The following SMIM27 variants were observed in gnomAD, a reference collection of about 807,000 sequenced individuals.
The protein encoded by SMIM27 is transition zone microprotein 1.
Under a neutral mutation model 1.8 loss-of-function variants are expected in SMIM27, and 3 were observed. That is an observed-to-expected ratio of 1.65 (90% CI 0.75 to 4.28). The LOEUF (loss-of-function observed/expected upper bound fraction) is 4.28. Ranked by LOEUF, SMIM27 falls within the 30% of genes most tolerant of loss-of-function variation. The pLI, the probability that SMIM27 is intolerant of heterozygous loss-of-function variation, is 0.02. For missense variants in SMIM27, 63 were observed against 37.0 expected (o/e 1.70, Z -1.83); for synonymous variants, 19 against 13.9 (o/e 1.37, Z -0.82).
At chr9:32,563,759 C>T (rs1028574536) in intron 1 of SMIM27, among the ~76,000 whole-genome samples, 3 of 152,086 alleles carry the variant, frequency 2.0e-5, no homozygotes, top group African/African-American at 7.2e-5. Flanking sequence ...TTTATTAATT[C>T]ACTTATTTAT....
downstream of SMIM27, among the ~76,000 whole-genome samples, chr9:32,555,075 A>G (rs1821419473): frequency 6.6e-6 from 1 of 151,646 alleles, no homozygotes; most frequent in Non-Finnish European, 1.5e-5. Context: ...GGTGCACGCT[A>G]GAGACTTTCT....
chr9:32,563,961 T>C (rs1033367458), intron 1 of SMIM27, among the ~76,000 whole-genome samples: 13 of 152,226 alleles, frequency 8.5e-5, no homozygotes, highest in African/African-American at 3.1e-4. Context: ...AAGCTCATCT[T>C]ATACTTTCTC....
At chr9:32,553,159 T>C, downstream of SMIM27, 1 of 392,342 alleles carries the variant, frequency 2.5e-6, no homozygotes, top group Non-Finnish European at 4.5e-6. Flanking sequence ...AATAAGCTTT[T>C]CAATCAAGTT....
At chr9:32,551,180 C>T (rs1821247614), upstream of SMIM27, 2 of 632,946 alleles carry the variant, frequency 3.2e-6, no homozygotes, top group South Asian at 3.6e-5. Flanking sequence ...GCAGCGCGAC[C>T]CTCCCCATCT....
intron 1 of SMIM27, among the ~76,000 whole-genome samples, chr9:32,561,974 T>A (rs1821639251): frequency 6.6e-6 from 1 of 152,160 alleles, no homozygotes; most frequent in South Asian, 2.1e-4. Flanking sequence ...ATTCATCAAG[T>A]CACTCTCCCA....
Position 32,552,408 on chromosome 9 carries a change from C to T in SMIM27, c.-27C>T. On this transcript the variant is annotated 5_prime_UTR_variant, in exon 1 of 2. Coordinates refer to ENST00000692500, the MANE Select transcript of SMIM27 (RefSeq NM_001387564.1). ...GTAAGGCCCGCAGCTCCCGCCAGCT[C>T]CCGCGGACTGCTGCCGCCTCCTTAC... The T allele has an allele frequency of 1.2e-6, 2 of 1,608,734 alleles. No homozygotes were observed. The highest frequency in any genetic ancestry group is 1.7e-6 in the Non-Finnish European group (2 of 1,178,002).
chr9:32,553,729 C>G, downstream of SMIM27: 1 of 591,542 alleles, frequency 1.7e-6, no homozygotes. Context: ...TTAAATTACT[C>G]AGTCTCAAAT....
At chr9:32,553,302 C>T (rs1436572371), downstream of SMIM27, 1 of 174,804 alleles carries the variant, frequency 5.7e-6, no homozygotes, top group African/African-American at 2.4e-5. Context: ...CAATCTCGTG[C>T]CTCAGCCTCC....
At chr9:32,565,882 G>C (rs927775895) in intron 1 of SMIM27, among the ~76,000 whole-genome samples, 2 of 152,168 alleles carry the variant, frequency 1.3e-5, no homozygotes, top group Non-Finnish European at 2.9e-5. Context: ...TGAGGCAGGA[G>C]AATCACTTGA....
intron 1 of SMIM27, among the ~76,000 whole-genome samples, chr9:32,565,870 G>A (rs1821769959): frequency 6.6e-6 from 1 of 152,098 alleles, no homozygotes; most frequent in African/African-American, 2.4e-5. Context: ...TACTTGGGAG[G>A]TTGAGGCAGG....
At chr9:32,563,490 G>GTTTTTTTTTTTTTTTTTTTTTT (rs1239149080) in intron 1 of SMIM27, among the ~76,000 whole-genome samples, 1 of 47,560 alleles carries the variant, frequency 2.1e-5, no homozygotes, top group African/African-American at 9.0e-5. Flanking sequence ...GGACTATTGG[G>GTTTTTTTTTTTTTTTTTTTTTT]CTTTTTTTTT....
chr9:32,555,855 A>T (rs1381911380), downstream of SMIM27, among the ~76,000 whole-genome samples: 2 of 152,258 alleles, frequency 1.3e-5, no homozygotes, highest in African/African-American at 2.4e-5. Context: ...TCAAGAAAAC[A>T]AAATCAGTGC....
At chr9:32,562,152 T>G (rs1039387775) in intron 1 of SMIM27, among the ~76,000 whole-genome samples, 1 of 152,194 alleles carries the variant, frequency 6.6e-6, no homozygotes, top group Admixed American at 6.5e-5. Flanking sequence ...ACTGACTCCA[T>G]ATGTTTGCTT....
At chr9:32,558,752 TTTTG>T (rs1821544134) in intron 1 of SMIM27, among the ~76,000 whole-genome samples, 2 of 152,142 alleles carry the variant, frequency 1.3e-5, no homozygotes, top group African/African-American at 2.4e-5. Flanking sequence ...TCCTGTTTTT[TTTTG>T]TTTTGTTTTG....
At chr9:32,558,261 G>A (rs576199325) in intron 1 of SMIM27, among the ~76,000 whole-genome samples, 130 of 151,948 alleles carry the variant, frequency 8.6e-4, no homozygotes, top group African/African-American at 2.9e-3. Flanking sequence ...ACAGGCGCCC[G>A]CCACCACGCC....
At chr9:32,565,832 C>T (rs151274396) in intron 1 of SMIM27, among the ~76,000 whole-genome samples, 348 of 152,174 alleles carry the variant, frequency 2.3e-3, no homozygotes, top group African/African-American at 8.0e-3. Flanking sequence ...ATTAGCCAGG[C>T]ATGGTGGCAC....
chr9:32,559,095 C>T, intron 1 of SMIM27: 1 of 526,618 alleles, frequency 1.9e-6, no homozygotes. Context: ...GTTTACTCAA[C>T]ATCTCTACTT....
chr9:32,552,774 A>C, intron 1 of SMIM27, 27 bp from the exon 2 acceptor site: 1 of 698,170 alleles, frequency 1.4e-6, no homozygotes, highest in South Asian at 1.5e-5. Flanking sequence ...GGTAGATTTC[A>C]CACCTCCTTT....
chr9:32,561,267 T>C (rs1235158114), intron 1 of SMIM27, among the ~76,000 whole-genome samples: 1 of 152,070 alleles, frequency 6.6e-6, no homozygotes, highest in Admixed American at 6.5e-5. Context: ...AGACAGGCCA[T>C]GTCCACTTGG....
Sources: allele counts gnomAD v4.1 joint callset (sites outside exome capture counted in the v4.1 genomes callset), GRCh38; gene constraint gnomAD v4.1.1; transcripts MANE v1.5; gene names NCBI Gene and HGNC (gene_info 2026-07-23, HGNC 2026-07-21).